PRKCA: variants seen among roughly 807,000 people sequenced by gnomAD.
The protein encoded by PRKCA is protein kinase C alpha type.
A neutral mutation model predicts 87.0 loss-of-function variants in PRKCA; 27 were observed. The observed-to-expected ratio is 0.31, with a 90% CI of 0.23 to 0.43. The LOEUF (loss-of-function observed/expected upper bound fraction) is 0.43. Among genes scored for constraint, PRKCA ranks in the 20% least tolerant of loss-of-function variants. The pLI, the probability that PRKCA is intolerant of heterozygous loss-of-function variation, is 1.00. For missense variants in PRKCA, 518 were observed against 852.3 expected (o/e 0.61, Z 4.88); for synonymous variants, 329 against 311.1 (o/e 1.06, Z -0.61).
At chr17:66,508,777 C>T (rs1413427107) in intron 3 of PRKCA, among the ~76,000 whole-genome samples, 2 of 152,302 alleles carry the variant, frequency 1.3e-5, no homozygotes, top group East Asian at 3.9e-4. Context: ...GTGAGTTGGT[C>T]TTACTGACTC....
chr17:66,407,172 C>T (rs16959202), intron 2 of PRKCA, among the ~76,000 whole-genome samples: 2,241 of 151,336 alleles, frequency 0.015, 61 homozygotes, highest in African/African-American at 0.052. Flanking sequence ...TGGTTTTATC[C>T]GTCTTAAAAA....
chr17:66,612,554 T>C (rs573199956), intron 3 of PRKCA, among the ~76,000 whole-genome samples: 1 of 152,198 alleles, frequency 6.6e-6, no homozygotes, highest in East Asian at 1.9e-4. Flanking sequence ...ACACACAGAA[T>C]CCTGAATCCT....
intron 13 of PRKCA, among the ~76,000 whole-genome samples, chr17:66,758,041 A>C (rs1974598151): frequency 6.6e-6 from 1 of 152,180 alleles, no homozygotes; most frequent in Non-Finnish European, 1.5e-5. Context: ...AGTTCTTTAG[A>C]GAGAAGGAAA....
intron 8 of PRKCA, among the ~76,000 whole-genome samples, chr17:66,718,658 C>T (rs183386038): frequency 6.6e-6 from 1 of 152,154 alleles, no homozygotes; most frequent in Non-Finnish European, 1.5e-5. Flanking sequence ...TAATCCCATT[C>T]GTGAGGGATC....
At chr17:66,594,060 A>G (rs1306056309) in intron 3 of PRKCA, among the ~76,000 whole-genome samples, 4 of 152,182 alleles carry the variant, frequency 2.6e-5, no homozygotes, top group Non-Finnish European at 5.9e-5. Context: ...ACTCCAGCCT[A>G]GGCAACAAGA....
chr17:66,608,216 T>C (rs1044034710), intron 3 of PRKCA, among the ~76,000 whole-genome samples: 2 of 152,172 alleles, frequency 1.3e-5, no homozygotes, highest in Non-Finnish European at 2.9e-5. Flanking sequence ...CTTTTGCTTT[T>C]GGAGCTTGGT....
intron 3 of PRKCA, among the ~76,000 whole-genome samples, chr17:66,571,721 T>C (rs1724340459): frequency 6.6e-6 from 1 of 152,210 alleles, no homozygotes; most frequent in Non-Finnish European, 1.5e-5. Context: ...GGTAGACATA[T>C]ACTTTTGCAA....
chr17:66,639,893 G>T (rs1006096386), intron 3 of PRKCA, among the ~76,000 whole-genome samples: 1 of 152,078 alleles, frequency 6.6e-6, no homozygotes, highest in Non-Finnish European at 1.5e-5. Context: ...TACTTGGGAG[G>T]CTGAGACAGG....
chr17:66,706,203 C>T (rs184018805), intron 8 of PRKCA, among the ~76,000 whole-genome samples: 2 of 152,312 alleles, frequency 1.3e-5, no homozygotes, highest in Non-Finnish European at 2.9e-5. Context: ...GATGAGTAAA[C>T]AAATTCAGTC....
chr17:66,464,213 A>G (rs1463909383), intron 2 of PRKCA, among the ~76,000 whole-genome samples: 2 of 151,996 alleles, frequency 1.3e-5, no homozygotes, highest in Admixed American at 6.6e-5. Context: ...TGGATGGCTC[A>G]TTTCTGTTTA....
intron 2 of PRKCA, among the ~76,000 whole-genome samples, chr17:66,315,099 G>A (rs929486712): frequency 3.3e-5 from 5 of 152,048 alleles, no homozygotes; most frequent in East Asian, 1.9e-4. Flanking sequence ...AGTTTATGAC[G>A]TAGGGGTTTT....
chr17:66,529,838 C>T (rs1388079986), intron 3 of PRKCA, among the ~76,000 whole-genome samples: 1 of 152,128 alleles, frequency 6.6e-6, no homozygotes, highest in East Asian at 1.9e-4. Flanking sequence ...CTTCTTAAGC[C>T]TCAAAATAAG....
At chr17:66,737,683 A>G (rs1974068524) in intron 10 of PRKCA, among the ~76,000 whole-genome samples, 1 of 152,202 alleles carries the variant, frequency 6.6e-6, no homozygotes, top group Admixed American at 6.5e-5. Context: ...GTGTCAGCCT[A>G]GCGCTGGCGG....
chr17:66,710,440 A>G (rs545833084), intron 8 of PRKCA, among the ~76,000 whole-genome samples: 1 of 152,038 alleles, frequency 6.6e-6, no homozygotes, highest in African/African-American at 2.4e-5. Context: ...CCTGTCTTTT[A>G]CAGGGCTGTC....
intron 2 of PRKCA, among the ~76,000 whole-genome samples, chr17:66,356,671 A>G (rs933321191): frequency 2.6e-5 from 4 of 152,224 alleles, no homozygotes; most frequent in African/African-American, 9.6e-5. Flanking sequence ...ATACAGATGG[A>G]TATCTAAAAG....
intron 5 of PRKCA, among the ~76,000 whole-genome samples, chr17:66,669,093 C>T (rs1021922944): frequency 7.6e-6 from 1 of 131,436 alleles, no homozygotes; most frequent in African/African-American, 2.7e-5. Context: ...CATAGTGAGA[C>T]CCTCTCTTTA....
rs546271081 is a variant in PRKCA at position 66,710,976 on chromosome 17, G to A, written c.919-21712G>A. Among the ~76,000 whole-genome samples, 5 of 152,246 alleles carry A rather than the reference G, an allele frequency of 3.3e-5. No homozygotes were observed. In the East Asian group the frequency reaches 9.7e-4, roughly 29 times the overall value. Reference sequence around the variant, plus strand: ...GAGAATCACTTGAACCCGGGAGGCGGAGGTTGCAGTGAGCCGAGATCGCAC... The same window carrying A: ...GAGAATCACTTGAACCCGGGAGGCGAAGGTTGCAGTGAGCCGAGATCGCAC... On this transcript the variant is annotated intron_variant, in intron 8 of 16. Coordinates refer to ENST00000413366, the MANE Select transcript of PRKCA (RefSeq NM_002737.3).
intron 3 of PRKCA, among the ~76,000 whole-genome samples, chr17:66,562,919 A>G (rs1187901747): frequency 6.6e-6 from 1 of 152,070 alleles, no homozygotes; most frequent in Non-Finnish European, 1.5e-5. Flanking sequence ...TTTATGCAGA[A>G]TGGTTTTATT....
At chr17:66,665,575 G>A (rs1445984723) in intron 5 of PRKCA, among the ~76,000 whole-genome samples, 1 of 152,080 alleles carries the variant, frequency 6.6e-6, no homozygotes, top group Non-Finnish European at 1.5e-5. Context: ...CCTCCATGCC[G>A]GATTTCTCAA....
Sources: gnomAD v4.1 joint callset for allele counts (sites outside exome capture counted in the v4.1 genomes callset) on GRCh38, gnomAD v4.1.1 for gene constraint, MANE v1.5 for transcripts, NCBI Gene and HGNC (gene_info 2026-07-23, HGNC 2026-07-21) for gene names.